Variants in SYCP1 observed in about 807,000 individuals in gnomAD.
SYCP1 encodes synaptonemal complex protein 1.
Under a neutral mutation model 153.1 loss-of-function variants are expected in SYCP1, and 64 were observed. The ratio of observed to expected loss-of-function variants is 0.42; its 90% confidence interval spans 0.34 to 0.51. SYCP1 has a LOEUF of 0.51. Among genes scored for constraint, SYCP1 ranks in the 20% least tolerant of loss-of-function variants. SYCP1 has a pLI of 0.06. For synonymous variants in SYCP1, 384 were observed against 341.8 expected (o/e 1.12, Z -1.36); for missense variants, 997 against 1,049.0 (o/e 0.95, Z 0.68).
chr1:114,919,840 A>G (rs1301552965), intron 20 of SYCP1, among the ~76,000 whole-genome samples: 1 of 151,852 alleles, frequency 6.6e-6, no homozygotes, highest in Non-Finnish European at 1.5e-5. Context: ...GATATTGGTT[A>G]TAATGTCTCC....
chr1:114,916,565 G>C (rs973239522), intron 20 of SYCP1, among the ~76,000 whole-genome samples: 1 of 151,182 alleles, frequency 6.6e-6, no homozygotes, highest in Non-Finnish European at 1.5e-5. Context: ...TTTTGGATAA[G>C]CTTTGGAAGC....
At chr1:114,860,116 G>T (rs1174043229) in intron 7 of SYCP1, among the ~76,000 whole-genome samples, 1 of 152,120 alleles carries the variant, frequency 6.6e-6, no homozygotes, top group East Asian at 1.9e-4. Flanking sequence ...CTGTTTCACT[G>T]CTGTCTTGAG....
chr1:114,854,774 G>A (rs1314969104), upstream of SYCP1: 1 of 152,148 alleles, frequency 6.6e-6, no homozygotes, highest in East Asian at 1.9e-4. Flanking sequence ...TGTTCCTAGC[G>A]ATTAGGGAAA....
At chr1:114,910,368 A>G in intron 16 of SYCP1, 29 bp from the exon 17 acceptor site, 1 of 1,485,204 alleles carries the variant, frequency 6.7e-7, no homozygotes, top group Non-Finnish European at 9.3e-7. Flanking sequence ...ATGGTTTGGC[A>G]TTCCTGATTT....
At chr1:114,891,733 G>A (rs769580810) in intron 15 of SYCP1, among the ~76,000 whole-genome samples, 1 of 151,996 alleles carries the variant, frequency 6.6e-6, no homozygotes, top group Non-Finnish European at 1.5e-5. Flanking sequence ...CTCCTAGTAG[G>A]TTCTATTGCT....
intron 28 of SYCP1, among the ~76,000 whole-genome samples, chr1:114,979,917 T>G (rs1673043163): frequency 6.6e-6 from 1 of 151,866 alleles, no homozygotes; most frequent in Non-Finnish European, 1.5e-5. Flanking sequence ...TTATAGTACA[T>G]GTAGTTGCCT....
At chr1:114,913,380 T>G (rs1668307396) in intron 19 of SYCP1, among the ~76,000 whole-genome samples, 1 of 152,000 alleles carries the variant, frequency 6.6e-6, no homozygotes, top group South Asian at 2.1e-4. Flanking sequence ...TAATTTAATT[T>G]TAGGCATCAA....
intron 5 of SYCP1, among the ~76,000 whole-genome samples, chr1:114,858,043 A>C (rs559933071): frequency 3.0e-4 from 45 of 152,136 alleles, no homozygotes; most frequent in Non-Finnish European, 6.0e-4. Flanking sequence ...GTGACTAAAA[A>C]TCTCTGATAT....
intron 8 of SYCP1, among the ~76,000 whole-genome samples, chr1:114,863,954 A>T (rs1295497716): frequency 9.7e-5 from 13 of 134,348 alleles, no homozygotes; most frequent in South Asian, 8.2e-4. Flanking sequence ...GGGGAACATC[A>T]CACACCCGGG....
chr1:114,913,904 T>C (rs1668342581), intron 19 of SYCP1, 71 bp from the exon 20 acceptor site: 1 of 1,145,874 alleles, frequency 8.7e-7, no homozygotes, highest in Non-Finnish European at 1.2e-6. Context: ...TAGATAAAGG[T>C]CTTAAATAGT....
intron 8 of SYCP1, among the ~76,000 whole-genome samples, chr1:114,863,972 G>C (rs921105373): frequency 4.0e-5 from 6 of 151,460 alleles, no homozygotes; most frequent in African/African-American, 9.7e-5. Context: ...GGGCCTGTTG[G>C]GGGGTGGGGG....
At chr1:114,902,671 A>T (rs1010062829) in intron 16 of SYCP1, among the ~76,000 whole-genome samples, 6 of 150,466 alleles carry the variant, frequency 4.0e-5, no homozygotes, top group Non-Finnish European at 4.4e-5. Context: ...GTCTCATTAT[A>T]TATGAACAAC....
At chr1:114,958,799 G>A (rs1440190951) in intron 27 of SYCP1, among the ~76,000 whole-genome samples, 1 of 151,022 alleles carries the variant, frequency 6.6e-6, no homozygotes, top group Non-Finnish European at 1.5e-5. Flanking sequence ...GCATGGTGGT[G>A]GGTGCCCGTA....
intron 23 of SYCP1, among the ~76,000 whole-genome samples, chr1:114,933,845 A>G (rs767275609): frequency 1.3e-5 from 2 of 152,214 alleles, no homozygotes; most frequent in Non-Finnish European, 2.9e-5. Context: ...AAGCGAGAAG[A>G]GAAGTTTAGA....
At chr1:114,924,506 A>T (rs764243727) in intron 21 of SYCP1, among the ~76,000 whole-genome samples, 21 of 152,180 alleles carry the variant, frequency 1.4e-4, no homozygotes, top group Non-Finnish European at 2.9e-4. Context: ...AACTTGAGCT[A>T]GGGCGTGCTT....
At chr1:114,950,436 TTA>T (rs1449877229) in intron 27 of SYCP1, among the ~76,000 whole-genome samples, 6 of 152,250 alleles carry the variant, frequency 3.9e-5, no homozygotes, top group Non-Finnish European at 7.4e-5. Flanking sequence ...TAAAAACACA[TTA>T]TGTTTATATT....
At chr1:114,888,775 T>A (rs560502032) in intron 15 of SYCP1, among the ~76,000 whole-genome samples, 5 of 152,238 alleles carry the variant, frequency 3.3e-5, no homozygotes, top group South Asian at 2.1e-4. Context: ...TATATAGGTA[T>A]ACATGTGCCA....
chr1:114,881,056 T>TATACACACAC lies in SYCP1; in HGVS notation c.910+2855_910+2856insTACACACACA, dbSNP rs375436670. 4.7e-3 allele frequency among the ~76,000 whole-genome samples: 677 copies of TATACACACAC among 145,032 alleles called. 1 individual carries two copies. The highest frequency in any genetic ancestry group is 0.014 in the Middle Eastern group (4 of 290). On this transcript the variant is annotated intron_variant, in intron 12 of 31. Coordinates refer to ENST00000369522, the MANE Select transcript of SYCP1 (RefSeq NM_003176.4). The stretch of plus-strand genomic sequence containing the variant: ...TGAACAGTATTCCAATTTGTGTATA[T>TATACACACAC]ACACACACACACACACACACACACA...
chr1:114,977,895 G>A (rs1407936866), intron 28 of SYCP1, among the ~76,000 whole-genome samples: 1 of 151,402 alleles, frequency 6.6e-6, no homozygotes, highest in Non-Finnish European at 1.5e-5. Flanking sequence ...TCTTATTATA[G>A]TTTTAATTTA....
Sources: gnomAD v4.1 joint callset for allele counts (sites outside exome capture counted in the v4.1 genomes callset) on GRCh38, gnomAD v4.1.1 for gene constraint, MANE v1.5 for transcripts, NCBI Gene and HGNC (gene_info 2026-07-23, HGNC 2026-07-21) for gene names.